Variants in NDUFAF2 observed in about 807,000 individuals in gnomAD.
The protein encoded by NDUFAF2 is NADH:ubiquinone oxidoreductase complex assembly factor 2, also known as NADH dehydrogenase [ubiquinone] 1 alpha subcomplex assembly factor 2.
In NDUFAF2, 13 loss-of-function variants were observed where a neutral mutation model predicts 22.8. That is an observed-to-expected ratio of 0.57 (90% CI 0.37 to 0.91). The LOEUF (loss-of-function observed/expected upper bound fraction) is 0.91, where lower values mean the gene tolerates loss of function less well. Among genes scored for constraint, NDUFAF2 ranks in the 40% least tolerant of loss-of-function variants. NDUFAF2 has a pLI of 0.01. For synonymous variants in NDUFAF2, 53 were observed against 64.2 expected (o/e 0.83, Z 0.84); for missense variants, 162 against 195.2 (o/e 0.83, Z 1.01).
chr5:60,996,474 T>A (rs1456784833), intron 1 of NDUFAF2, among the ~76,000 whole-genome samples: 2 of 151,572 alleles, frequency 1.3e-5, no homozygotes, highest in Non-Finnish European at 2.9e-5. Flanking sequence ...AAGGAAGGGG[T>A]CTATTTTGGA....
intron 1 of NDUFAF2, among the ~76,000 whole-genome samples, chr5:61,036,169 C>T (rs145061072): frequency 1.8e-4 from 27 of 152,292 alleles, no homozygotes; most frequent in African/African-American, 6.3e-4. Context: ...GTTCCACTGG[C>T]CAGACCCTAG....
In NDUFAF2 at chr5:61,064,557, C is replaced by T. The variant is rs116543387; in HGVS notation, c.128-8568C>T. ...TGTTTCAAACTACAGTGATATGAAA[C>T]TATAAATCAGTAGCAGGAGGAACCT... On this transcript the variant is annotated intron_variant, in intron 1 of 3. Coordinates refer to ENST00000296597, the MANE Select transcript of NDUFAF2 (RefSeq NM_174889.5). Among the ~76,000 whole-genome samples, 821 of 152,032 alleles carry T rather than the reference C, an allele frequency of 5.4e-3. 10 individuals carry two copies. The highest frequency in any genetic ancestry group is 0.019 in the African/African-American group (792 of 41,480).
chr5:61,040,931 A>G (rs1751873380), intron 1 of NDUFAF2, among the ~76,000 whole-genome samples: 1 of 152,200 alleles, frequency 6.6e-6, no homozygotes, highest in Non-Finnish European at 1.5e-5. Flanking sequence ...TTTTAAGTAA[A>G]TGAAATCCCT....
At chr5:61,109,687 A>G (rs1038698940) in intron 3 of NDUFAF2, among the ~76,000 whole-genome samples, 2 of 152,148 alleles carry the variant, frequency 1.3e-5, no homozygotes. Context: ...TGCTGTTCTC[A>G]TGATAGTGAG....
intron 3 of NDUFAF2, among the ~76,000 whole-genome samples, chr5:61,104,783 A>G (rs1752742757): frequency 6.6e-6 from 1 of 151,980 alleles, no homozygotes; most frequent in Non-Finnish European, 1.5e-5. Context: ...AAAAAACAGG[A>G]GACTGCTTGG....
Position 61,099,077 on chromosome 5 carries a change from A to G in NDUFAF2, c.258+45A>G, listed in dbSNP as rs749905772. On this transcript the variant is annotated intron_variant, in intron 3 of 3. Coordinates refer to ENST00000296597, the MANE Select transcript of NDUFAF2 (RefSeq NM_174889.5). The stretch of plus-strand genomic sequence containing the variant: ...ATATCATTTAGGAGTATATATTCCC[A>G]AGGATATACGAAGCTTCAGAAAAAC... 15 of 1,368,782 alleles carry G rather than the reference A, an allele frequency of 1.1e-5. No individual in the cohort carries two copies. In the South Asian group the frequency reaches 2.0e-4, roughly 18 times the overall value. The allele number at this position is 1,368,782 out of a possible 1,614,324, so 84.8% of individuals were successfully genotyped here.
chr5:60,991,953 G>A (rs1751164019), intron 1 of NDUFAF2, among the ~76,000 whole-genome samples: 1 of 152,138 alleles, frequency 6.6e-6, no homozygotes, highest in Non-Finnish European at 1.5e-5. Flanking sequence ...ATCCTTGCCA[G>A]CGTTTGTTAT....
At chr5:61,038,769 C>G (rs1751834214) in intron 1 of NDUFAF2, among the ~76,000 whole-genome samples, 1 of 152,082 alleles carries the variant, frequency 6.6e-6, no homozygotes, top group East Asian at 1.9e-4. Context: ...TATTAATCAT[C>G]CAAAAAGGGT....
intron 1 of NDUFAF2, among the ~76,000 whole-genome samples, chr5:60,982,101 T>C (rs760239980): frequency 1.3e-5 from 2 of 152,122 alleles, no homozygotes; most frequent in Non-Finnish European, 2.9e-5. Context: ...GATTACATCA[T>C]GTTGAAAAGC....
intron 3 of NDUFAF2, among the ~76,000 whole-genome samples, chr5:61,150,057 G>A (rs565595017): frequency 3.9e-5 from 6 of 152,110 alleles, no homozygotes; most frequent in African/African-American, 9.6e-5. Context: ...TCAGCCTCCC[G>A]AGTAGCTGGG....
intron 3 of NDUFAF2, among the ~76,000 whole-genome samples, chr5:61,104,188 G>A (rs1287581675): frequency 6.6e-6 from 1 of 152,044 alleles, no homozygotes; most frequent in Non-Finnish European, 1.5e-5. Flanking sequence ...CTTCAGTGTT[G>A]TATAAGGTGA....
chr5:61,031,943 T>C (rs570638132), intron 1 of NDUFAF2, among the ~76,000 whole-genome samples: 89 of 152,342 alleles, frequency 5.8e-4, no homozygotes, highest in African/African-American at 2.0e-3. Context: ...TGGTATCTCA[T>C]TGTGGTTTTG....
At chr5:61,075,180 G>A (rs989107244) in intron 2 of NDUFAF2, among the ~76,000 whole-genome samples, 12 of 152,300 alleles carry the variant, frequency 7.9e-5, no homozygotes, top group African/African-American at 2.9e-4. Context: ...AGCTTCATAC[G>A]TGGGTAAACA....
intron 3 of NDUFAF2, among the ~76,000 whole-genome samples, chr5:61,107,214 G>A (rs1422228275): frequency 6.6e-6 from 1 of 151,034 alleles, no homozygotes; most frequent in Non-Finnish European, 1.5e-5. Flanking sequence ...AGTGTACAAG[G>A]GTTCCCTTTT....
At chr5:60,967,830 T>C (rs951878075) in intron 1 of NDUFAF2, among the ~76,000 whole-genome samples, 3 of 150,818 alleles carry the variant, frequency 2.0e-5, no homozygotes, top group Non-Finnish European at 4.4e-5. Flanking sequence ...CTTTCTGGCC[T>C]TGGTATCTAG....
chr5:60,980,421 A>G (rs1021248690), intron 1 of NDUFAF2, among the ~76,000 whole-genome samples: 1 of 152,134 alleles, frequency 6.6e-6, no homozygotes, highest in African/African-American at 2.4e-5. Context: ...TTCCTATTCC[A>G]GAGAAGGAAT....
At chr5:61,064,948 AAAAC>A (rs1264381358) in intron 1 of NDUFAF2, among the ~76,000 whole-genome samples, 2 of 151,948 alleles carry the variant, frequency 1.3e-5, no homozygotes, top group African/African-American at 4.8e-5. Context: ...GGTTTTTTGA[AAAAC>A]AAAATTTACA....
chr5:60,962,349 G>A (rs1750699950), intron 1 of NDUFAF2, among the ~76,000 whole-genome samples: 1 of 152,098 alleles, frequency 6.6e-6, no homozygotes, highest in Non-Finnish European at 1.5e-5. Flanking sequence ...ATTACTCAGT[G>A]ATTAATACTG....
In NDUFAF2 at chr5:60,960,948, A is replaced by G. The variant is rs532889882; in HGVS notation, c.127+15566A>G. Among the ~76,000 whole-genome samples the G allele has an allele frequency of 2.6e-5, 4 of 152,280 alleles. 1 individual carries two copies. Among genetic ancestry groups the G allele is most frequent in the East Asian group, 3.9e-4 (2 of 5,170 alleles). On this transcript the variant is annotated intron_variant, in intron 1 of 3. Transcript: ENST00000296597. The stretch of plus-strand genomic sequence containing the variant: ...ATTAAAAATATAACTCCGATTAAGC[A>G]TACATTACCTTCAAAGAGGACAGAA...
Sources: allele counts gnomAD v4.1 joint callset (sites outside exome capture counted in the v4.1 genomes callset), GRCh38; gene constraint gnomAD v4.1.1; transcripts MANE v1.5; gene names NCBI Gene and HGNC (gene_info 2026-07-23, HGNC 2026-07-21).